The following ITGA8 variants were observed in gnomAD, a reference collection of about 807,000 sequenced individuals.
ITGA8 encodes the protein integrin subunit alpha 8.
In ITGA8, 91 loss-of-function variants were observed where a neutral mutation model predicts 142.3. The observed-to-expected ratio is 0.64, with a 90% CI of 0.54 to 0.76. ITGA8 has a LOEUF of 0.76. Among genes scored for constraint, ITGA8 ranks in the 30% least tolerant of loss-of-function variants. The pLI, the probability that ITGA8 is intolerant of heterozygous loss-of-function variation, is 0.00. For missense variants in ITGA8, 1,406 were observed against 1,327.7 expected (o/e 1.06, Z -0.92); for synonymous variants, 505 against 485.2 (o/e 1.04, Z -0.54).
chr10:15,562,974 C>T (rs770231458), intron 25 of ITGA8, among the ~76,000 whole-genome samples: 16 of 152,320 alleles, frequency 1.1e-4, no homozygotes, highest in Middle Eastern at 3.4e-3. Context: ...ATGGCTTGGG[C>T]CATCCCATTG....
chr10:15,611,123 A>G (rs1833286196), intron 15 of ITGA8, among the ~76,000 whole-genome samples: 1 of 152,230 alleles, frequency 6.6e-6, no homozygotes, highest in African/African-American at 2.4e-5. Flanking sequence ...TATCAAATAC[A>G]GACACAAATA....
At chr10:15,583,672 C>A (rs1034067795) in intron 23 of ITGA8, among the ~76,000 whole-genome samples, 2 of 151,896 alleles carry the variant, frequency 1.3e-5, no homozygotes, top group African/African-American at 2.4e-5. Flanking sequence ...ACTATAGTGA[C>A]AGAAAATAGG....
chr10:15,701,331 A>G (rs1835159719), intron 2 of ITGA8, among the ~76,000 whole-genome samples: 1 of 152,214 alleles, frequency 6.6e-6, no homozygotes, highest in African/African-American at 2.4e-5. Flanking sequence ...GTATTAGTAC[A>G]TCTGTGATCT....
intron 2 of ITGA8, among the ~76,000 whole-genome samples, chr10:15,704,222 G>A (rs1334352481): frequency 6.6e-6 from 1 of 152,076 alleles, no homozygotes; most frequent in Non-Finnish European, 1.5e-5. Context: ...TTTAGCCTCT[G>A]TTGCTGTGAC....
chr10:15,517,916 A>G (rs376539164), intron 29 of ITGA8, among the ~76,000 whole-genome samples: 1 of 152,370 alleles, frequency 6.6e-6, no homozygotes, highest in East Asian at 1.9e-4. Flanking sequence ...ACTATTGACT[A>G]GGAAAAGGAG....
chr10:15,584,546 G>C (rs1038564497), intron 23 of ITGA8, among the ~76,000 whole-genome samples: 1 of 152,146 alleles, frequency 6.6e-6, no homozygotes, highest in Admixed American at 6.5e-5. Context: ...TCACAGGAGT[G>C]TAATTTGGCA....
At chr10:15,571,299 C>T (rs1588651267) in intron 25 of ITGA8, among the ~76,000 whole-genome samples, 3 of 152,246 alleles carry the variant, frequency 2.0e-5, no homozygotes, top group African/African-American at 4.8e-5. Context: ...TGGCTGGTGG[C>T]GTGGGTATTC....
chr10:15,650,052 A>C (rs560924262), intron 11 of ITGA8, among the ~76,000 whole-genome samples: 6 of 152,338 alleles, frequency 3.9e-5, no homozygotes, highest in African/African-American at 1.4e-4. Flanking sequence ...TCAATAGGTG[A>C]CTGGATAAGC....
chr10:15,665,948 G>T (rs904935106), intron 8 of ITGA8, among the ~76,000 whole-genome samples: 7 of 152,020 alleles, frequency 4.6e-5, no homozygotes, highest in South Asian at 2.1e-4. Flanking sequence ...AGTCAGGTAG[G>T]GTGATGCCTC....
At chr10:15,649,486 TG>T (rs1834046950) in intron 11 of ITGA8, among the ~76,000 whole-genome samples, 1 of 151,376 alleles carries the variant, frequency 6.6e-6, no homozygotes, top group South Asian at 2.1e-4. Context: ...AAAAATTAGC[TG>T]GGCATGGTGG....
intron 14 of ITGA8, among the ~76,000 whole-genome samples, chr10:15,614,572 A>G (rs1183153636): frequency 5.9e-5 from 9 of 152,206 alleles, no homozygotes; most frequent in Non-Finnish European, 1.3e-4. Flanking sequence ...ACAAAACAAA[A>G]AAGTATTAAT....
intron 1 of ITGA8, 90 bp from the exon 2 acceptor site, chr10:15,718,989 T>C (rs1031202813): frequency 1.3e-6 from 2 of 1,570,352 alleles, no homozygotes; most frequent in African/African-American, 1.4e-5. Flanking sequence ...CCGGGGACAC[T>C]GGGGCAGGCG....
intron 23 of ITGA8, among the ~76,000 whole-genome samples, chr10:15,577,002 C>T (rs1449701031): frequency 2.6e-5 from 4 of 152,124 alleles, no homozygotes; most frequent in African/African-American, 9.7e-5. Flanking sequence ...AGGCTTCTGT[C>T]ATCAGAGAGA....
At chr10:15,706,915 C>A (rs998481633) in intron 2 of ITGA8, among the ~76,000 whole-genome samples, 3 of 152,148 alleles carry the variant, frequency 2.0e-5, no homozygotes, top group African/African-American at 7.2e-5. Flanking sequence ...ACTCTTGCCC[C>A]GATTTGCTTT....
chr10:15,680,216 C>CTTTTTTTTTTTT (rs71374638), intron 4 of ITGA8, among the ~76,000 whole-genome samples: 1 of 54,276 alleles, frequency 1.8e-5, no homozygotes, highest in African/African-American at 8.3e-5. Context: ...CCAGATGCTC[C>CTTTTTTTTTTTT]TTTTTTTTTT....
rs115425351 is a variant in ITGA8 at position 15,585,468 on chromosome 10, C to T, written c.2372+1116G>A. ...CCCCAGCGGCACCAGGACAGCAGGG[C>T]AGGACCCATGGCAGCACTGGCTCTG... On this transcript the variant is annotated intron_variant, in intron 23 of 29. Coordinates refer to ENST00000378076, the MANE Select transcript of ITGA8 (RefSeq NM_003638.3). Among the ~76,000 whole-genome samples the T allele has an allele frequency of 3.8e-3, 576 of 152,344 alleles. 6 individuals carry two copies. Among genetic ancestry groups the T allele is most frequent in the African/African-American group, 0.013 (547 of 41,592 alleles).
chr10:15,669,308 C>T lies in ITGA8; in HGVS notation c.847+2295G>A, dbSNP rs191345365. On this transcript the variant is annotated intron_variant, in intron 8 of 29. Coordinates refer to ENST00000378076, the MANE Select transcript of ITGA8 (RefSeq NM_003638.3). ...TGATACCCTTTCTTCCAGTTGATTG[C>T]GTCGGCTACTGAGGCTTCTGCATTT... Among the ~76,000 whole-genome samples, 18 of 152,262 alleles carry T rather than the reference C, an allele frequency of 1.2e-4. No homozygotes were observed. The East Asian group carries it at 2.7e-3, about 23-fold the overall frequency.
intron 26 of ITGA8, among the ~76,000 whole-genome samples, chr10:15,550,006 AT>A (rs778360600): frequency 8.5e-5 from 13 of 152,086 alleles, no homozygotes; most frequent in Non-Finnish European, 1.5e-4. Flanking sequence ...CTCATCTTGA[AT>A]TGTAGCTTCC....
Position 15,572,373 on chromosome 10 carries a change from T to G in ITGA8, c.2479-4A>C. 1 of 1,613,494 alleles carries G rather than the reference T, an allele frequency of 6.2e-7. No homozygotes were observed. Among genetic ancestry groups the G allele is most frequent in the Non-Finnish European group, 8.5e-7 (1 of 1,179,672 alleles). On this transcript the variant is annotated splice_polypyrimidine_tract_variant and splice_region_variant and intron_variant, in intron 24 of 29. Transcript: ENST00000378076. ...TACTTGGTCCAATATTGTGCAGCTG[T>G]AAACAAGTGACATGTTATCTAATGA...
Sources: allele counts gnomAD v4.1 joint callset (sites outside exome capture counted in the v4.1 genomes callset), GRCh38; gene constraint gnomAD v4.1.1; transcripts MANE v1.5; gene names NCBI Gene and HGNC (gene_info 2026-07-23, HGNC 2026-07-21).